Variants in PPARA observed in about 807,000 individuals in gnomAD.
The protein encoded by PPARA is peroxisome proliferator activated receptor alpha.
A neutral mutation model predicts 42.2 loss-of-function variants in PPARA; 22 were observed. The observed-to-expected ratio is 0.52, with a 90% CI of 0.37 to 0.74. PPARA has a LOEUF of 0.74. Among genes scored for constraint, PPARA ranks in the 30% least tolerant of loss-of-function variants. The pLI is 0.00. For synonymous variants in PPARA, 242 were observed against 239.3 expected (o/e 1.01, Z -0.10); for missense variants, 465 against 608.2 (o/e 0.76, Z 2.48).
At chr22:46,178,045 C>A (rs1040822318) in intron 3 of PPARA, among the ~76,000 whole-genome samples, 1 of 152,052 alleles carries the variant, frequency 6.6e-6, no homozygotes, top group Admixed American at 6.6e-5. Context: ...GTCTATCAGT[C>A]TAGAGCATAT....
At position 46,232,011 on chromosome 22, in the gene PPARA, T is replaced by C; in HGVS notation, c.931T>C (p.Tyr311His). 6.2e-7 allele frequency: 1 copy of C among 1,614,202 alleles called. No homozygotes were observed. Among genetic ancestry groups the C allele is most frequent in the Non-Finnish European group, 8.5e-7 (1 of 1,180,028 alleles). Reference protein sequence around the residue: ...DLNDQVTLLKYGVYEAIFAML... With the variant: ...DLNDQVTLLKHGVYEAIFAML... Reference sequence around the variant, plus strand: ...GAACGATCAAGTGACATTGCTAAAATACGGAGTTTATGAGGCCATATTCGC... The same window carrying C: ...GAACGATCAAGTGACATTGCTAAAACACGGAGTTTATGAGGCCATATTCGC... The change falls in exon 8 of 9, where the codon TAC becomes CAC. Residue 311 changes from tyrosine (Y) to histidine (H), a missense_variant. Tyr to His is a moderately conservative substitution (Grantham distance 83). Coordinates refer to ENST00000407236, the MANE Select transcript of PPARA (RefSeq NM_005036.6). The surrounding 1 kb of genome is among the most constrained non-coding windows in gnomAD (Gnocchi z 5.3).
chr22:46,169,767 C>A (rs994634016), intron 2 of PPARA, among the ~76,000 whole-genome samples: 2 of 151,854 alleles, frequency 1.3e-5, no homozygotes, highest in Admixed American at 6.6e-5. Context: ...TTAAATATAG[C>A]CCAAATAAAT....
rs1008865404 is a variant in PPARA, at chr22:46,203,913, C to T, written c.208+5322C>T. 6.6e-6 allele frequency among the ~76,000 whole-genome samples: 1 copy of T among 152,244 alleles called. No homozygotes were observed. ...GGGCAGGTTGCAGATTCTCTGGGGACGCCCCCCTTCTCTGCCTCCTGCATC... is the reference window on the plus strand; with the variant it reads ...GGGCAGGTTGCAGATTCTCTGGGGATGCCCCCCTTCTCTGCCTCCTGCATC... On this transcript the variant is annotated intron_variant, in intron 4 of 8. Coordinates refer to ENST00000407236, the MANE Select transcript of PPARA (RefSeq NM_005036.6). The surrounding 1 kb of genome is among the most constrained non-coding windows in gnomAD (Gnocchi z 5.8).
intron 4 of PPARA, among the ~76,000 whole-genome samples, chr22:46,202,763 T>C (rs1455449249): frequency 6.7e-6 from 1 of 148,730 alleles, no homozygotes; most frequent in African/African-American, 2.4e-5. Flanking sequence ...CTCAGGAGGC[T>C]GAGGCAGGAC....
chr22:46,163,385 A>G lies in PPARA; in HGVS notation c.-127+11415A>G, dbSNP rs1024324028. 7.9e-5 allele frequency: 12 copies of G among 152,216 alleles called. No homozygotes were observed. Among genetic ancestry groups the G allele is most frequent in the African/African-American group, 1.7e-4 (7 of 41,462 alleles). The allele number at this position is 152,216 out of a possible 1,614,324, so 9.4% of individuals were successfully genotyped here. ...AGGTGATTATTAACTCTAATCATACATCTAATGACCTATATTGAAGATACA... is the reference window on the plus strand; with the variant it reads ...AGGTGATTATTAACTCTAATCATACGTCTAATGACCTATATTGAAGATACA... On this transcript the variant is annotated intron_variant, in intron 2 of 8. Coordinates refer to ENST00000407236, the MANE Select transcript of PPARA (RefSeq NM_005036.6). The surrounding 1 kb of genome is among the most constrained non-coding windows in gnomAD (Gnocchi z 4.9).
At chr22:46,207,573 G>A (rs1285882882) in intron 4 of PPARA, among the ~76,000 whole-genome samples, 2 of 148,702 alleles carry the variant, frequency 1.3e-5, no homozygotes, top group Non-Finnish European at 3.0e-5. Flanking sequence ...ATGAGCCACC[G>A]AGCCTGGCCA....
Position 46,227,441 on chromosome 22 carries a change from G to A in PPARA, c.712-4351G>A, listed in dbSNP as rs1026979801. On this transcript the variant is annotated intron_variant, in intron 7 of 8. Transcript: ENST00000407236. This position sits in a 1 kb window ranked among gnomAD's most constrained non-coding sequence, Gnocchi z 4.3. ...TAATTTTTGTATTTTTAGTAGACAC[G>A]GGCTTTTGCCATGTTGGCCGGGCTG... Among the ~76,000 whole-genome samples the A allele has an allele frequency of 6.6e-6, 1 of 152,150 alleles. No individual in the cohort carries two copies. Among genetic ancestry groups the A allele is most frequent in the African/African-American group, 2.4e-5 (1 of 41,436 alleles).
At chr22:46,176,554 T>C (rs915959776) in intron 2 of PPARA, among the ~76,000 whole-genome samples, 199 bp from the exon 3 acceptor site, 2 of 152,322 alleles carry the variant, frequency 1.3e-5, no homozygotes, top group Admixed American at 6.5e-5. Context: ...ATATACTCTG[T>C]ATGGCTTCAA....
Position 46,242,760 on chromosome 22 carries a change from C to CAG in PPARA, c.*7381_*7382dup, listed in dbSNP as rs1555965696. ...ACACACACACACACACACACACACACAGCTCTTCATTTCTCCTGAGCCATG... is the reference window on the plus strand; with the variant it reads ...ACACACACACACACACACACACACACAGAGCTCTTCATTTCTCCTGAGCCATG... On this transcript the variant is annotated 3_prime_UTR_variant, in exon 9 of 9. Transcript: ENST00000407236. The surrounding 1 kb of genome is among the most constrained non-coding windows in gnomAD (Gnocchi z 6.1). 17 of 151,374 alleles carry CAG rather than the reference C, an allele frequency of 1.1e-4. No homozygotes were observed. In the South Asian group the frequency reaches 2.5e-3, roughly 22 times the overall value. The allele number at this position is 151,374 out of a possible 1,614,324, so 9.4% of individuals were successfully genotyped here. A position where few individuals can be genotyped will look rare whatever the true frequency, so the allele number is the denominator to read the frequency against.
chr22:46,224,459 C>G lies in PPARA; in HGVS notation c.711+4445C>G, dbSNP rs1368486607. On this transcript the variant is annotated intron_variant, in intron 7 of 8. Transcript: ENST00000407236. This position sits in a 1 kb window ranked among gnomAD's most constrained non-coding sequence, Gnocchi z 5.7. ...GCAACCCCATCTGTGGGCAAGAAAT[C>G]TGTTAGGGAGACCAAGCAGCGGCCT... Among the ~76,000 whole-genome samples the G allele has an allele frequency of 6.6e-6, 1 of 152,178 alleles. No individual in the cohort carries two copies. The highest frequency in any genetic ancestry group is 1.9e-4 in the East Asian group (1 of 5,182).
chr22:46,231,795 T>C lies in PPARA; in HGVS notation c.715T>C (p.Phe239Leu). ...LSGKASNNPPFVIHDMETLCM... is the reference protein window; with the variant it reads ...LSGKASNNPPLVIHDMETLCM... ...ACCTTGGTGTCCTCCTTTGTAGCCT[T>C]TTGTCATACATGATATGGAGACACT... Residue 239 changes from phenylalanine (F) to leucine (L), a missense_variant, in exon 8 of 9, where the codon TTT becomes CTT. Transcript: ENST00000407236. This position sits in a 1 kb window ranked among gnomAD's most constrained non-coding sequence, Gnocchi z 7.7. 6.2e-7 allele frequency: 1 copy of C among 1,612,840 alleles called. No homozygotes were observed. Among genetic ancestry groups the C allele is most frequent in the Non-Finnish European group, 8.5e-7 (1 of 1,179,958 alleles).
intron 2 of PPARA, chr22:46,164,056 A>C (rs994059930): frequency 2.0e-5 from 3 of 151,758 alleles, no homozygotes; most frequent in African/African-American, 7.3e-5. Context: ...TCTCTACTAA[A>C]ACTACAAAAA....
Position 46,163,128 on chromosome 22 carries a change from C to T in PPARA, c.-127+11158C>T, listed in dbSNP as rs749387456. On this transcript the variant is annotated intron_variant, in intron 2 of 8. Transcript: ENST00000407236. This position sits in a 1 kb window ranked among gnomAD's most constrained non-coding sequence, Gnocchi z 4.9. ...CAGAGGGTCACGGAGGTCGCAGGGG[C>T]GTGTGTGCAGCACCTGCCAGTGAAC... is the stretch of plus-strand genomic sequence containing the variant. Among the ~76,000 whole-genome samples, 1 of 152,114 alleles carries T rather than the reference C, an allele frequency of 6.6e-6. No individual in the cohort carries two copies. Among genetic ancestry groups the T allele is most frequent in the Non-Finnish European group, 1.5e-5 (1 of 68,016 alleles).
chr22:46,204,670 T>C lies in PPARA; in HGVS notation c.208+6079T>C, dbSNP rs900627051. On this transcript the variant is annotated intron_variant, in intron 4 of 8. Coordinates refer to ENST00000407236, the MANE Select transcript of PPARA (RefSeq NM_005036.6). This position sits in a 1 kb window ranked among gnomAD's most constrained non-coding sequence, Gnocchi z 5.2. Reference sequence around the variant, plus strand: ...TTGCCATATATCTTCTTTGGTGATATTTCTGTTCAAAGCCTTTGCTCATTT... The same window carrying C: ...TTGCCATATATCTTCTTTGGTGATACTTCTGTTCAAAGCCTTTGCTCATTT... 4.6e-5 allele frequency among the ~76,000 whole-genome samples: 7 copies of C among 152,172 alleles called. No individual in the cohort carries two copies. Among genetic ancestry groups the C allele is most frequent in the African/African-American group, 1.7e-4 (7 of 41,454 alleles).
Position 46,222,967 on chromosome 22 carries a change from C to T in PPARA, c.711+2953C>T, listed in dbSNP as rs991442956. Among the ~76,000 whole-genome samples, 4 of 152,124 alleles carry T rather than the reference C, an allele frequency of 2.6e-5. No homozygotes were observed. Among genetic ancestry groups the T allele is most frequent in the Non-Finnish European group, 5.9e-5 (4 of 68,024 alleles). On this transcript the variant is annotated intron_variant, in intron 7 of 8. Transcript: ENST00000407236. The surrounding 1 kb of genome is among the most constrained non-coding windows in gnomAD (Gnocchi z 5.9). ...TTGAGCCCAGGAGTTCAAAACCAAC[C>T]TGGGCAACATGGCAAGACCACATCT...
chr22:46,231,811 T>G lies in PPARA; in HGVS notation c.731T>G (p.Met244Arg). The G allele has an allele frequency of 6.2e-7, 1 of 1,613,608 alleles. No homozygotes were observed. The highest frequency in any genetic ancestry group is 1.1e-5 in the South Asian group (1 of 91,042). The change falls in exon 8 of 9, where the codon ATG (methionine) becomes AGG (arginine). Residue 244 changes from methionine (M) to arginine (R), a missense_variant. This residue lies in a region of PPARA where 313 missense variants were observed against 469.1 expected (regional missense o/e 0.67). Coordinates refer to ENST00000407236, the MANE Select transcript of PPARA (RefSeq NM_005036.6). The surrounding 1 kb of genome is among the most constrained non-coding windows in gnomAD (Gnocchi z 7.7). ...TTGTAGCCTTTTGTCATACATGATA[T>G]GGAGACACTGTGTATGGCTGAGAAG... ...SNNPPFVIHD[M>R]ETLCMAEKTL...
At chr22:46,217,790 T>G (rs371475364) in intron 5 of PPARA, among the ~76,000 whole-genome samples, 2 of 151,168 alleles carry the variant, frequency 1.3e-5, no homozygotes, top group South Asian at 2.1e-4. Context: ...TCCTAATCAT[T>G]CCAGACTTCT....
intron 4 of PPARA, among the ~76,000 whole-genome samples, chr22:46,206,349 T>C (rs527817011): frequency 6.6e-6 from 1 of 152,272 alleles, no homozygotes; most frequent in South Asian, 2.1e-4. Flanking sequence ...ACTCGTGACC[T>C]TGTGATCTGC....
chr22:46,220,632 A>G (rs1934925066), intron 7 of PPARA: 1 of 153,940 alleles, frequency 6.5e-6, no homozygotes, highest in Non-Finnish European at 1.4e-5. Context: ...GGCACCCAGC[A>G]TTAACTGGAT....
Sources: allele counts gnomAD v4.1 joint callset (sites outside exome capture counted in the v4.1 genomes callset), GRCh38; gene constraint gnomAD v4.1.1; regional missense constraint gnomAD v4.1.1; non-coding constraint Gnocchi (gnomAD v3.1); transcripts MANE v1.5; gene names NCBI Gene and HGNC (gene_info 2026-07-23, HGNC 2026-07-21).